Variants in PCDHA8 observed in about 807,000 individuals in gnomAD.
PCDHA8 encodes the protein protocadherin alpha 8.
Under a neutral mutation model 61.8 loss-of-function variants are expected in PCDHA8, and 53 were observed. The observed-to-expected ratio is 0.86, with a 90% confidence interval of 0.69 to 1.08. The LOEUF is 1.08. PCDHA8 is among the 50% of genes least tolerant of loss of function. The probability of loss-of-function intolerance (pLI) is 0.00; values close to 1 mark genes in which losing one functional copy is unlikely to be tolerated. For synonymous variants in PCDHA8, 618 were observed against 556.6 expected, an observed-to-expected ratio of 1.11 and a Z score of -1.55; for missense variants, 1,293 against 1,245.0, an observed-to-expected ratio of 1.04 and a Z score of -0.58.
intron 1 of PCDHA8, chr5:140,870,820 G>C (rs1554164732): frequency 1.9e-6 from 3 of 1,613,630 alleles, no homozygotes; most frequent in African/African-American, 1.3e-5. Context: ...TGGCAGCGCG[G>C]GAGGCGCAGT....
intron 1 of PCDHA8, among the ~76,000 whole-genome samples, chr5:140,939,289 A>G (rs1186126336): frequency 1.3e-5 from 2 of 152,102 alleles, no homozygotes; most frequent in African/African-American, 4.8e-5. Flanking sequence ...TCGTGATCTA[A>G]TCATCTCTAC....
chr5:140,970,405 C>T (rs1361647284), intron 1 of PCDHA8, among the ~76,000 whole-genome samples: 1 of 152,120 alleles, frequency 6.6e-6, no homozygotes, highest in Non-Finnish European at 1.5e-5. Flanking sequence ...GATGGCTTAC[C>T]CTACAGTAAG....
chr5:140,959,301 G>A (rs139206577), intron 1 of PCDHA8, among the ~76,000 whole-genome samples: 161 of 152,140 alleles, frequency 1.1e-3, no homozygotes, highest in Non-Finnish European at 1.1e-3. Context: ...CACTGAGCCC[G>A]GTGGTTGAAG....
intron 1 of PCDHA8, among the ~76,000 whole-genome samples, chr5:140,961,208 A>T (rs1268712075): frequency 1.3e-5 from 2 of 152,164 alleles, no homozygotes; most frequent in African/African-American, 4.8e-5. Flanking sequence ...GTTGGTATTG[A>T]TGAAGAAACT....
At chr5:140,967,910 A>G (rs2096197842) in intron 1 of PCDHA8, 1 of 1,613,996 alleles carries the variant, frequency 6.2e-7, no homozygotes, top group Non-Finnish European at 8.5e-7. Flanking sequence ...TACACCCAAC[A>G]CCATTGTGGC....
At chr5:140,942,361 G>A (rs1554214935) in intron 1 of PCDHA8, among the ~76,000 whole-genome samples, 1 of 151,920 alleles carries the variant, frequency 6.6e-6, no homozygotes, top group East Asian at 1.9e-4. Context: ...GCAGTTAACG[G>A]AGATTGCACC....
At chr5:140,877,559 T>C in intron 1 of PCDHA8, 1 of 1,613,754 alleles carries the variant, frequency 6.2e-7, no homozygotes, top group South Asian at 1.1e-5. Context: ...CTGGTGGATA[T>C]TAACGTGTAC....
At chr5:140,991,847 G>A (rs1375292594) in intron 3 of PCDHA8, among the ~76,000 whole-genome samples, 1 of 152,162 alleles carries the variant, frequency 6.6e-6, no homozygotes, top group African/African-American at 2.4e-5. Flanking sequence ...CGCACTTCCA[G>A]ATACCAAAAT....
At chr5:140,901,667 A>G (rs1319008143) in intron 1 of PCDHA8, among the ~76,000 whole-genome samples, 1 of 151,994 alleles carries the variant, frequency 6.6e-6, no homozygotes, top group Non-Finnish European at 1.5e-5. Context: ...TGCTCAAGAT[A>G]CCTTTAGGTA....
At chr5:140,941,558 A>G (rs903071259) in intron 1 of PCDHA8, among the ~76,000 whole-genome samples, 1 of 151,596 alleles carries the variant, frequency 6.6e-6, no homozygotes, top group African/African-American at 2.4e-5. Context: ...CTCGTGATCC[A>G]TTCGCCTCAG....
chr5:140,947,402 T>C (rs550043631), intron 1 of PCDHA8, among the ~76,000 whole-genome samples: 1 of 151,868 alleles, frequency 6.6e-6, no homozygotes, highest in East Asian at 1.9e-4. Context: ...AAGTAGACTG[T>C]CTTGATATTG....
chr5:140,917,485 C>T (rs191372458), intron 1 of PCDHA8, among the ~76,000 whole-genome samples: 1 of 152,326 alleles, frequency 6.6e-6, no homozygotes, highest in Admixed American at 6.5e-5. Flanking sequence ...TTGCCAGGGC[C>T]TATGCCCAGA....
intron 1 of PCDHA8, among the ~76,000 whole-genome samples, chr5:140,890,901 T>C (rs1583031993): frequency 6.6e-6 from 1 of 152,194 alleles, no homozygotes; most frequent in Admixed American, 6.5e-5. Flanking sequence ...TGTCTTTCCA[T>C]GTTAGAATAA....
Position 140,974,282 on chromosome 5 carries a change from T to C in PCDHA8, c.2395-4667T>C, listed in dbSNP as rs115449410. Among the ~76,000 whole-genome samples, 1,252 of 152,332 alleles carry C rather than the reference T, an allele frequency of 8.2e-3. 23 individuals carry two copies. The highest frequency in any genetic ancestry group is 0.028 in the African/African-American group (1,180 of 41,572). ...TTCTGGCCTTCCAGGGTCAGAACTC[T>C]GGGCTCCAAGGAGGTACAACTGTGA... On this transcript the variant is annotated intron_variant, in intron 1 of 3. Coordinates refer to ENST00000531613, the MANE Select transcript of PCDHA8 (RefSeq NM_018911.3).
At chr5:140,952,654 G>T (rs541888180) in intron 1 of PCDHA8, among the ~76,000 whole-genome samples, 4 of 152,270 alleles carry the variant, frequency 2.6e-5, no homozygotes, top group African/African-American at 9.6e-5. Context: ...TGGTTACCCA[G>T]TTCCAAAGTC....
intron 1 of PCDHA8, chr5:140,884,061 A>G: frequency 1.2e-6 from 2 of 1,613,342 alleles, no homozygotes; most frequent in Non-Finnish European, 1.7e-6. Flanking sequence ...CGCGCGGTGG[A>G]CGCCGATTCG....
intron 1 of PCDHA8, among the ~76,000 whole-genome samples, chr5:140,893,394 T>TAA (rs2063972728): frequency 6.6e-6 from 1 of 152,198 alleles, no homozygotes; most frequent in South Asian, 2.1e-4. Flanking sequence ...GGCTCATGCC[T>TAA]GTAATCCCAG....
intron 1 of PCDHA8, among the ~76,000 whole-genome samples, chr5:140,959,659 A>G (rs1020730964): frequency 6.6e-6 from 1 of 152,250 alleles, no homozygotes; most frequent in Non-Finnish European, 1.5e-5. Context: ...AAATTGAAGA[A>G]TTTGTAAATC....
intron 1 of PCDHA8, among the ~76,000 whole-genome samples, chr5:140,937,675 G>A (rs2091663642): frequency 6.6e-6 from 1 of 151,688 alleles, no homozygotes; most frequent in Admixed American, 6.6e-5. Flanking sequence ...CACTTTGGGA[G>A]GCTGAGGCAG....
Sources: gnomAD v4.1 joint callset for allele counts (sites outside exome capture counted in the v4.1 genomes callset) on GRCh38, gnomAD v4.1.1 for gene constraint, MANE v1.5 for transcripts, NCBI Gene and HGNC (gene_info 2026-07-23, HGNC 2026-07-21) for gene names.